Variants in ASIC2 observed in about 807,000 individuals in gnomAD.
ASIC2 encodes acid-sensing ion channel 2.
A neutral mutation model predicts 57.3 loss-of-function variants in ASIC2; 25 were observed. The ratio of observed to expected loss-of-function variants is 0.44; its 90% confidence interval spans 0.32 to 0.61. The LOEUF (loss-of-function observed/expected upper bound fraction) is 0.61, where lower values mean the gene tolerates loss of function less well. Ranked by LOEUF, ASIC2 falls within the 20% of genes least tolerant of loss-of-function variation. The pLI is 0.06. For missense variants in ASIC2, 641 were observed against 738.1 expected (o/e 0.87, Z 1.52); for synonymous variants, 319 against 307.5 (o/e 1.04, Z -0.39).
At chr17:34,138,950 G>A (rs1161144303) in intron 1 of ASIC2, among the ~76,000 whole-genome samples, 1 of 152,196 alleles carries the variant, frequency 6.6e-6, no homozygotes, top group Non-Finnish European at 1.5e-5. Flanking sequence ...AGGAGGAACT[G>A]TAGTTTTTCC....
chr17:33,773,656 G>GTTT (rs113663094), intron 1 of ASIC2, among the ~76,000 whole-genome samples: 11 of 136,958 alleles, frequency 8.0e-5, no homozygotes, highest in Non-Finnish European at 1.6e-4. Context: ...TAGTCTCTCT[G>GTTT]TTTTTTTTTT....
At chr17:34,030,541 C>A (rs1907561301) in intron 1 of ASIC2, among the ~76,000 whole-genome samples, 1 of 152,214 alleles carries the variant, frequency 6.6e-6, no homozygotes, top group Non-Finnish European at 1.5e-5. Context: ...CGTGCGCGAG[C>A]TGAAGTAGGG....
chr17:33,861,942 G>C (rs1461267355), intron 1 of ASIC2, among the ~76,000 whole-genome samples: 1 of 152,204 alleles, frequency 6.6e-6, no homozygotes, highest in African/African-American at 2.4e-5. Context: ...TTAACTCCCT[G>C]TGCATACCAG....
At position 33,642,457 on chromosome 17, in the gene ASIC2, CTGTT is replaced by C. The variant is rs139123952; in HGVS notation, c.555+513517_555+513520del. Among the ~76,000 whole-genome samples, 938 of 152,296 alleles carry C rather than the reference CTGTT, an allele frequency of 6.2e-3. 9 individuals are homozygous for C. Among genetic ancestry groups the C allele is most frequent in the African/African-American group, 0.021 (891 of 41,550 alleles). Reference sequence around the variant, plus strand: ...CCAAAGTCAATTCCACTCTGACACACTGTTTGTGATGTTCCACAGTCAGCACAAT... The same window carrying C: ...CCAAAGTCAATTCCACTCTGACACACTGTGATGTTCCACAGTCAGCACAAT... On this transcript the variant is annotated intron_variant, in intron 1 of 9. Transcript: ENST00000359872.
chr17:33,368,945 G>C lies in ASIC2; in HGVS notation c.556-256878C>G, dbSNP rs550263904. On this transcript the variant is annotated intron_variant, in intron 1 of 9. Transcript: ENST00000359872. The stretch of plus-strand genomic sequence containing the variant: ...TCCTTGTTGGGAACCTCACTTCTCA[G>C]GTGGCATTTACTCAGATATAAACCC... 2.0e-5 allele frequency among the ~76,000 whole-genome samples: 3 copies of C among 152,274 alleles called. No homozygotes were observed. The East Asian group carries it at 5.8e-4, about 29-fold the overall frequency.
intron 1 of ASIC2, among the ~76,000 whole-genome samples, chr17:33,228,566 G>A (rs1461559523): frequency 1.3e-5 from 2 of 152,242 alleles, no homozygotes; most frequent in Non-Finnish European, 2.9e-5. Flanking sequence ...CCACTCATGA[G>A]TGTGTAGCAC....
intron 3 of ASIC2, among the ~76,000 whole-genome samples, chr17:33,061,485 AC>A (rs1226214542): frequency 6.6e-6 from 1 of 152,154 alleles, no homozygotes; most frequent in Non-Finnish European, 1.5e-5. Context: ...CGTATGTTGA[AC>A]CAGCCTTGCA....
rs140895516 is a variant in ASIC2 at position 33,112,079 on chromosome 17, A to AAG, written c.709-14_709-13dup. The AAG allele has an allele frequency of 1.5e-4, 234 of 1,584,384 alleles. 1 individual carries two copies. Among genetic ancestry groups the AAG allele is most frequent in the South Asian group, 1.7e-4 (15 of 88,076 alleles). On this transcript the variant is annotated splice_polypyrimidine_tract_variant and intron_variant, in intron 1 of 9. Transcript: ENST00000225823. ...TATTTTGTAAACACCTGAAGGAGAG[A>AAG]AGAGAGAGAGAGAGAGAAGCACATG...
chr17:33,849,736 T>A (rs1372844515), intron 1 of ASIC2, among the ~76,000 whole-genome samples: 1 of 152,026 alleles, frequency 6.6e-6, no homozygotes, highest in Non-Finnish European at 1.5e-5. Flanking sequence ...TGTCAAAGCC[T>A]GAAGAAGCAA....
At chr17:33,691,464 CT>C (rs1203000913) in intron 1 of ASIC2, among the ~76,000 whole-genome samples, 3 of 152,154 alleles carry the variant, frequency 2.0e-5, no homozygotes, top group African/African-American at 7.2e-5. Context: ...TTCTATTTCT[CT>C]TCTGATTGAG....
intron 1 of ASIC2, among the ~76,000 whole-genome samples, chr17:33,307,190 G>A (rs1336468247): frequency 6.6e-6 from 1 of 152,034 alleles, no homozygotes; most frequent in African/African-American, 2.4e-5. Context: ...TGAACTTGAG[G>A]CCTGGATAGT....
chr17:33,222,461 G>A (rs564060001), intron 1 of ASIC2, among the ~76,000 whole-genome samples: 2 of 152,348 alleles, frequency 1.3e-5, no homozygotes, highest in African/African-American at 4.8e-5. Context: ...TTATTTAGCA[G>A]GGGGTTGTTC....
chr17:33,032,910 T>C (rs1241129743), intron 3 of ASIC2, among the ~76,000 whole-genome samples: 2 of 152,056 alleles, frequency 1.3e-5, no homozygotes, highest in African/African-American at 2.4e-5. Context: ...TGCTGAAGAA[T>C]CTCTTTTAAC....
intron 1 of ASIC2, among the ~76,000 whole-genome samples, chr17:33,889,928 G>C (rs867857437): frequency 3.9e-5 from 6 of 152,152 alleles, no homozygotes; most frequent in Non-Finnish European, 8.8e-5. Context: ...ATGAAGAAGC[G>C]TTATGTTCCA....
chr17:33,903,424 G>C (rs1915272603), intron 1 of ASIC2, among the ~76,000 whole-genome samples: 4 of 152,152 alleles, frequency 2.6e-5, no homozygotes. Flanking sequence ...ATGTTATTAG[G>C]TGTCCCACAA....
At chr17:34,134,343 A>G (rs1372057016) in intron 1 of ASIC2, among the ~76,000 whole-genome samples, 1 of 152,226 alleles carries the variant, frequency 6.6e-6, no homozygotes, top group Non-Finnish European at 1.5e-5. Context: ...AATGCCCCAA[A>G]GTCCCCAGAA....
At position 33,464,521 on chromosome 17, in the gene ASIC2, T is replaced by TC. The variant is rs1567621085; in HGVS notation, c.556-352455_556-352454insG. 2.6e-4 allele frequency among the ~76,000 whole-genome samples: 10 copies of TC among 38,476 alleles called. 1 individual carries two copies. The highest frequency in any genetic ancestry group is 9.9e-4 in the African/African-American group (9 of 9,110). The allele number at this position is 38,476 out of a possible 152,430, so 25.2% of individuals were successfully genotyped here. ...CTTTCTTTCTTTCTTTCTTTCTTTC[T>TC]TTCTTTCTTTCTTTCTTTCTCTTTC... On this transcript the variant is annotated intron_variant, in intron 1 of 9. Coordinates refer to the ASIC2 transcript ENST00000359872.
chr17:33,151,330 C>T (rs550180408), intron 1 of ASIC2, among the ~76,000 whole-genome samples: 6 of 151,494 alleles, frequency 4.0e-5, no homozygotes, highest in East Asian at 1.9e-4. Flanking sequence ...GCCGAGATAG[C>T]GCCACTGCAC....
chr17:33,978,651 A>G (rs1176570821), intron 1 of ASIC2, among the ~76,000 whole-genome samples: 2 of 151,950 alleles, frequency 1.3e-5, no homozygotes, highest in African/African-American at 2.4e-5. Flanking sequence ...TCAAATTCCT[A>G]TGCTTACGGT....
Sources: gnomAD v4.1 joint callset for allele counts (sites outside exome capture counted in the v4.1 genomes callset) on GRCh38, gnomAD v4.1.1 for gene constraint, MANE v1.5 for transcripts, NCBI Gene and HGNC (gene_info 2026-07-23, HGNC 2026-07-21) for gene names.